Variants in PDE7B observed in about 807,000 individuals in gnomAD.
PDE7B encodes the protein 3',5'-cyclic-AMP phosphodiesterase 7B.
In PDE7B, 29 loss-of-function variants were observed where a neutral mutation model predicts 56.2. That is an observed-to-expected ratio of 0.52 (90% CI 0.38 to 0.70). PDE7B has a LOEUF of 0.70. PDE7B is among the 30% of genes least tolerant of loss of function. The pLI, the probability that PDE7B is intolerant of heterozygous loss-of-function variation, is 0.00. For synonymous variants in PDE7B, 197 were observed against 196.9 expected (o/e 1.00, Z 0.00); for missense variants, 490 against 565.0 (o/e 0.87, Z 1.35).
rs144498105 is a variant in PDE7B, at chr6:135,862,651, T to A, written c.21+10632T>A. Among the ~76,000 whole-genome samples, 419 of 152,026 alleles carry A rather than the reference T, an allele frequency of 2.8e-3. 3 individuals are homozygous for A. Among genetic ancestry groups the A allele is most frequent in the African/African-American group, 9.6e-3 (401 of 41,562 alleles). ...CATAAGTCCATCTGGGTCTGAAATA[T>A]TTTGTGGACAAGTTTTTAGTTACAG... On this transcript the variant is annotated intron_variant, in intron 1 of 12. Transcript: ENST00000308191.
At chr6:135,881,361 A>G (rs1775608018) in intron 1 of PDE7B, among the ~76,000 whole-genome samples, 1 of 141,752 alleles carries the variant, frequency 7.1e-6, no homozygotes, top group African/African-American at 2.7e-5. Flanking sequence ...AAAAAAAAAT[A>G]GCTGGGTGTG....
intron 1 of PDE7B, among the ~76,000 whole-genome samples, chr6:135,932,903 C>T (rs1232505546): frequency 6.6e-6 from 1 of 152,104 alleles, no homozygotes; most frequent in African/African-American, 2.4e-5. Context: ...CAGGTTTTTC[C>T]TTCTTCATCT....
chr6:136,075,927 TG>T (rs1423461960), intron 2 of PDE7B, among the ~76,000 whole-genome samples: 5 of 152,206 alleles, frequency 3.3e-5, no homozygotes, highest in African/African-American at 1.2e-4. Context: ...TTTGCAGGGA[TG>T]ACATGTTTTG....
chr6:135,918,915 T>C (rs1774011058), intron 1 of PDE7B, among the ~76,000 whole-genome samples: 1 of 152,234 alleles, frequency 6.6e-6, no homozygotes, highest in Admixed American at 6.5e-5. Flanking sequence ...CACATGGGAA[T>C]TGTTTTGTGT....
chr6:135,868,765 G>T (rs2128186171), intron 1 of PDE7B, among the ~76,000 whole-genome samples: 1 of 152,284 alleles, frequency 6.6e-6, no homozygotes, highest in South Asian at 2.1e-4. Flanking sequence ...ACACAGTTCT[G>T]ATGGTGCCTG....
chr6:136,131,367 T>C (rs1778113904), intron 3 of PDE7B, among the ~76,000 whole-genome samples: 1 of 152,088 alleles, frequency 6.6e-6, no homozygotes, highest in Non-Finnish European at 1.5e-5. Context: ...GGAAAGGTTT[T>C]GGATTATGCC....
At chr6:136,048,291 A>T (rs894408466) in intron 2 of PDE7B, among the ~76,000 whole-genome samples, 1 of 152,258 alleles carries the variant, frequency 6.6e-6, no homozygotes, top group African/African-American at 2.4e-5. Flanking sequence ...TGGGAGGCCG[A>T]GGCAGGTGGA....
In PDE7B at chr6:136,127,739, G is replaced by C. The variant is rs538287500; in HGVS notation, c.166+18925G>C. Among the ~76,000 whole-genome samples the C allele has an allele frequency of 2.0e-5, 3 of 152,280 alleles. No homozygotes were observed. In the South Asian group the frequency reaches 6.2e-4, roughly 32 times the overall value. On this transcript the variant is annotated intron_variant, in intron 3 of 12. Coordinates refer to ENST00000308191, the MANE Select transcript of PDE7B (RefSeq NM_018945.4). ...TACTTTAAAAATTAAGCCTCTCAGG[G>C]CTGCAAATTTTAACAGCACAGTTTT...
chr6:136,145,576 C>A (rs2128446530), intron 3 of PDE7B, among the ~76,000 whole-genome samples: 1 of 152,262 alleles, frequency 6.6e-6, no homozygotes, highest in Admixed American at 6.5e-5. Context: ...ATACAATGTG[C>A]TCAAGTACTG....
chr6:136,118,071 C>T (rs796766695), intron 3 of PDE7B, among the ~76,000 whole-genome samples: 7 of 152,222 alleles, frequency 4.6e-5, no homozygotes, highest in African/African-American at 1.7e-4. Flanking sequence ...ATAAATGTGT[C>T]CAGAAGCCTG....
At chr6:136,110,711 C>CTTT (rs1562495600) in intron 3 of PDE7B, among the ~76,000 whole-genome samples, 12 of 138,638 alleles carry the variant, frequency 8.7e-5, no homozygotes, top group African/African-American at 3.1e-4. Flanking sequence ...GATTCTGCAA[C>CTTT]ATTTTTTTTT....
chr6:136,151,487 CCT>C (rs2128447309), intron 6 of PDE7B, among the ~76,000 whole-genome samples: 1 of 152,188 alleles, frequency 6.6e-6, no homozygotes, highest in African/African-American at 2.4e-5. Context: ...GTGCTAACCC[CCT>C]GTGTAGTCAA....
At chr6:135,901,064 A>T (rs963593466) in intron 1 of PDE7B, among the ~76,000 whole-genome samples, 2 of 152,212 alleles carry the variant, frequency 1.3e-5, no homozygotes, top group Non-Finnish European at 2.9e-5. Flanking sequence ...ACCATCACAG[A>T]CGTTTAACGA....
At chr6:136,112,707 CAG>C (rs1208369875) in intron 3 of PDE7B, 1 of 151,570 alleles carries the variant, frequency 6.6e-6, no homozygotes, top group Admixed American at 6.6e-5. Context: ...GAAGAATAAA[CAG>C]AGAGGGAACC....
At chr6:135,926,274 A>G (rs564745603) in intron 1 of PDE7B, among the ~76,000 whole-genome samples, 105 of 152,188 alleles carry the variant, frequency 6.9e-4, no homozygotes, top group Middle Eastern at 3.4e-3. Context: ...TTTTTGGTAG[A>G]GACAGGGTTT....
chr6:135,855,836 T>C (rs1775017049), intron 1 of PDE7B, among the ~76,000 whole-genome samples: 1 of 152,116 alleles, frequency 6.6e-6, no homozygotes, highest in Non-Finnish European at 1.5e-5. Context: ...TGGCGCAAGG[T>C]GGTGTCAACA....
intron 2 of PDE7B, among the ~76,000 whole-genome samples, chr6:135,982,356 G>T (rs1179487610): frequency 1.3e-5 from 2 of 152,054 alleles, no homozygotes; most frequent in African/African-American, 2.4e-5. Context: ...TCTCGGCCCA[G>T]ACAGGCTTTC....
At chr6:136,160,205 G>A (rs1778679287) in intron 8 of PDE7B, among the ~76,000 whole-genome samples, 1 of 152,120 alleles carries the variant, frequency 6.6e-6, no homozygotes. Flanking sequence ...TTGTCATCAG[G>A]ATAATGTGAA....
intron 1 of PDE7B, among the ~76,000 whole-genome samples, chr6:135,868,869 C>A (rs777075611): frequency 1.3e-5 from 2 of 152,182 alleles, no homozygotes; most frequent in East Asian, 1.9e-4. Flanking sequence ...TATGTCCGAA[C>A]CTTAAGTACA....
Sources: gnomAD v4.1 joint callset for allele counts (sites outside exome capture counted in the v4.1 genomes callset) on GRCh38, gnomAD v4.1.1 for gene constraint, MANE v1.5 for transcripts, NCBI Gene and HGNC (gene_info 2026-07-23, HGNC 2026-07-21) for gene names.